Variants in DMC1 observed in about 807,000 individuals in gnomAD.
DMC1 encodes meiotic recombination protein DMC1 homolog.
Under a neutral mutation model 50.1 loss-of-function variants are expected in DMC1, and 27 were observed. That is an observed-to-expected ratio of 0.54 (90% CI 0.40 to 0.74). The LOEUF is 0.74. Ranked by LOEUF, DMC1 falls within the 30% of genes least tolerant of loss-of-function variation. The pLI is 0.00. For missense variants in DMC1, 295 were observed against 420.2 expected, an observed-to-expected ratio of 0.70 and a Z score of 2.60; for synonymous variants, 148 against 136.1, an observed-to-expected ratio of 1.09 and a Z score of -0.61.
At chr22:38,554,236 C>G (rs2090445387) in intron 6 of DMC1, among the ~76,000 whole-genome samples, 2 of 152,098 alleles carry the variant, frequency 1.3e-5, no homozygotes, top group African/African-American at 4.8e-5. Context: ...CTGAAGTAGT[C>G]TTAAACTGGT....
rs868423721 is a variant in DMC1, at chr22:38,550,954, G to A, written c.422-957C>T. Among the ~76,000 whole-genome samples the A allele has an allele frequency of 6.7e-4, 88 of 130,526 alleles. 1 individual carries two copies. Among genetic ancestry groups the A allele is most frequent in the African/African-American group, 2.1e-3 (71 of 33,038 alleles). The allele number at this position is 130,526 out of a possible 152,430, so 85.6% of individuals were successfully genotyped here. Reference sequence around the variant, plus strand: ...TCAAAAAAAAAAAAAAAAAAAGAAAGAAAGAAAGAAAGAAAGAAAAAAGAA... The same window carrying A: ...TCAAAAAAAAAAAAAAAAAAAGAAAAAAAGAAAGAAAGAAAGAAAAAAGAA... On this transcript the variant is annotated intron_variant, in intron 7 of 13. Coordinates refer to ENST00000216024, the MANE Select transcript of DMC1 (RefSeq NM_007068.4).
At chr22:38,532,625 CT>C (rs1179534926) in intron 12 of DMC1, among the ~76,000 whole-genome samples, 148 of 138,156 alleles carry the variant, frequency 1.1e-3, no homozygotes, top group Admixed American at 1.4e-3. Context: ...GTTCACAAGA[CT>C]TTTTTTTTTT....
chr22:38,546,983 T>C (rs551127143), intron 8 of DMC1, among the ~76,000 whole-genome samples: 1 of 152,294 alleles, frequency 6.6e-6, no homozygotes, highest in African/African-American at 2.4e-5. Flanking sequence ...AAATAACATC[T>C]GGGATGCAAG....
At chr22:38,528,712 G>A (rs774908511) in intron 12 of DMC1, among the ~76,000 whole-genome samples, 1 of 152,058 alleles carries the variant, frequency 6.6e-6, no homozygotes, top group Non-Finnish European at 1.5e-5. Context: ...CTTGAGCCTG[G>A]GAGGCCAAGG....
downstream of DMC1, among the ~76,000 whole-genome samples, chr22:38,517,483 C>T (rs1171444337): frequency 6.6e-6 from 1 of 152,076 alleles, no homozygotes; most frequent in Non-Finnish European, 1.5e-5. Context: ...GCAGGAGAAT[C>T]GCTTGAACCC....
At chr22:38,554,459 A>C (rs1008724176) in intron 6 of DMC1, among the ~76,000 whole-genome samples, 11 of 152,164 alleles carry the variant, frequency 7.2e-5, no homozygotes, top group Middle Eastern at 3.4e-3. Context: ...AAAAAAAAAA[A>C]AACAGATTTA....
intron 12 of DMC1, among the ~76,000 whole-genome samples, chr22:38,524,997 G>A (rs2090072015): frequency 6.6e-6 from 1 of 152,134 alleles, no homozygotes; most frequent in Non-Finnish European, 1.5e-5. Flanking sequence ...GGAGGCAGAG[G>A]TTGTGGTGAG....
downstream of DMC1, chr22:38,518,822 C>T (rs1420413882): frequency 6.6e-6 from 1 of 152,286 alleles, no homozygotes; most frequent in Non-Finnish European, 1.5e-5. Context: ...TGTGAGCCAC[C>T]ACGCCCAGCC....
rs1035113558 is a variant in DMC1, at chr22:38,519,083, A to C, written c.*937T>G. On this transcript the variant is annotated 3_prime_UTR_variant, in exon 14 of 14. Coordinates refer to ENST00000216024, the MANE Select transcript of DMC1 (RefSeq NM_007068.4). ...AAAAAGTTTTTTTTTTTTTTTTGAG[A>C]CGGAGTCTCACTCTGTCACCTAGGC... 4 of 145,520 alleles carry C rather than the reference A, an allele frequency of 2.7e-5. No individual in the cohort carries two copies. The highest frequency in any genetic ancestry group is 6.0e-5 in the Non-Finnish European group (4 of 66,722). The allele number at this position is 145,520 out of a possible 1,614,324, so 9.0% of individuals were successfully genotyped here. A position where few individuals can be genotyped will look rare whatever the true frequency, so the allele number is the denominator to read the frequency against.
At chr22:38,510,109 T>G in the DMC1 span, among the ~76,000 whole-genome samples, 12 of 152,068 alleles carry the variant, frequency 7.9e-5, no homozygotes, top group African/African-American at 2.2e-4. Flanking sequence ...CTCAGGAGGC[T>G]GAGGCAGGAG....
chr22:38,532,318 CTTT>C (rs1334815968), intron 12 of DMC1, among the ~76,000 whole-genome samples: 1 of 139,620 alleles, frequency 7.2e-6, no homozygotes. Flanking sequence ...TATTGTCTTT[CTTT>C]TTTTTTTTTT....
At chr22:38,537,205 T>G (rs1259590288) in intron 12 of DMC1, among the ~76,000 whole-genome samples, 1 of 151,994 alleles carries the variant, frequency 6.6e-6, no homozygotes, top group Non-Finnish European at 1.5e-5. Flanking sequence ...GATTTTTAAA[T>G]TCTTTTCTTT....
At chr22:38,537,918 AC>A (rs1305681355) in intron 11 of DMC1, among the ~76,000 whole-genome samples, 1 of 152,016 alleles carries the variant, frequency 6.6e-6, no homozygotes, top group Non-Finnish European at 1.5e-5. Context: ...GCTGAGGCGG[AC>A]AGATCACGAG....
chr22:38,550,718 G>A (rs2090394961), intron 7 of DMC1, among the ~76,000 whole-genome samples: 1 of 150,612 alleles, frequency 6.6e-6, no homozygotes, highest in Non-Finnish European at 1.5e-5. Context: ...ATCATTTGAG[G>A]TCAAGGGTTC....
intron 12 of DMC1, among the ~76,000 whole-genome samples, chr22:38,527,749 C>T (rs1285705512): frequency 2.0e-5 from 3 of 151,746 alleles, no homozygotes; most frequent in Non-Finnish European, 4.4e-5. Context: ...AAACTCCTGA[C>T]CTCAGATGAT....
chr22:38,539,458 A>G (rs2145871116), intron 8 of DMC1, 46 bp from the exon 9 acceptor site: 1 of 1,459,968 alleles, frequency 6.8e-7, no homozygotes, highest in African/African-American at 1.4e-5. Flanking sequence ...ATTCTAAAAA[A>G]GTTTAGACAA....
Position 38,562,280 on chromosome 22 carries a change from T to C in DMC1, c.326+7A>G, listed in dbSNP as rs1158313045. On this transcript the variant is annotated splice_region_variant and intron_variant, in intron 5 of 13. Transcript: ENST00000216024. ...GCTTAGTGATTATAAAAAAGTAAGATACATACTCAAATTCCTGGCTCCCGG... is the reference window on the plus strand; with the variant it reads ...GCTTAGTGATTATAAAAAAGTAAGACACATACTCAAATTCCTGGCTCCCGG... The C allele has an allele frequency of 2.5e-6, 4 of 1,579,884 alleles. No individual in the cohort carries two copies. Among genetic ancestry groups the C allele is most frequent in the Middle Eastern group, 1.7e-4 (1 of 5,976 alleles).
chr22:38,547,647 C>T (rs1255990446), intron 8 of DMC1, among the ~76,000 whole-genome samples: 2 of 152,018 alleles, frequency 1.3e-5, no homozygotes, highest in Admixed American at 6.6e-5. Context: ...TCAAGCGATT[C>T]TCCTGCCTAA....
At chr22:38,525,587 G>A (rs373310655) in intron 12 of DMC1, among the ~76,000 whole-genome samples, 1 of 152,164 alleles carries the variant, frequency 6.6e-6, no homozygotes, top group Non-Finnish European at 1.5e-5. Context: ...AAAAGGAGAT[G>A]ATTTTGAATC....
Sources: gnomAD v4.1 joint callset for allele counts (sites outside exome capture counted in the v4.1 genomes callset) on GRCh38, gnomAD v4.1.1 for gene constraint, MANE v1.5 for transcripts, NCBI Gene and HGNC (gene_info 2026-07-23, HGNC 2026-07-21) for gene names.